Variants in MAF observed in about 807,000 individuals in gnomAD.
The protein encoded by MAF is MAF bZIP transcription factor, also known as transcription factor Maf.
A neutral mutation model predicts 22.0 loss-of-function variants in MAF; 10 were observed. That is an observed-to-expected ratio of 0.45 (90% CI 0.28 to 0.77). MAF has a LOEUF of 0.77. Ranked by LOEUF, MAF falls within the 30% of genes least tolerant of loss-of-function variation. The pLI is 0.12. For missense variants in MAF, 544 were observed against 548.4 expected, an observed-to-expected ratio of 0.99 and a Z score of 0.08; for synonymous variants, 337 against 255.8, an observed-to-expected ratio of 1.32 and a Z score of -3.03.
chr16:79,560,062 G>T, the MAF span, among the ~76,000 whole-genome samples: 2 of 152,102 alleles, frequency 1.3e-5, no homozygotes, highest in South Asian at 2.1e-4. Flanking sequence ...GGGCCACCAT[G>T]TGTGGCTGAT....
chr16:79,574,080 A>C, the MAF span, among the ~76,000 whole-genome samples: 1 of 152,226 alleles, frequency 6.6e-6, no homozygotes, highest in Non-Finnish European at 1.5e-5. Context: ...TGAGGCGTGA[A>C]CTTCACGCTC....
chr16:79,254,245 C>A, the MAF span, among the ~76,000 whole-genome samples: 2 of 152,066 alleles, frequency 1.3e-5, no homozygotes, highest in Non-Finnish European at 2.9e-5. Flanking sequence ...TTAGATCATT[C>A]TCTCCCTGCC....
the MAF span, among the ~76,000 whole-genome samples, chr16:79,246,206 T>C: frequency 6.6e-6 from 1 of 151,788 alleles, no homozygotes; most frequent in African/African-American, 2.4e-5. Context: ...TAAAGTATAA[T>C]AAAAGAAAAT....
the MAF span, among the ~76,000 whole-genome samples, chr16:79,508,535 C>T: frequency 6.6e-6 from 1 of 152,172 alleles, no homozygotes; most frequent in Non-Finnish European, 1.5e-5. Flanking sequence ...CTCTCCAGTG[C>T]GTTCTTGGCA....
At chr16:79,598,501 T>A in intron 1 of MAF, 2 of 1,336,248 alleles carry the variant, frequency 1.5e-6, no homozygotes, top group South Asian at 3.2e-5. Flanking sequence ...GAATTTCAGA[T>A]TGGCAATCCA....
chr16:79,550,521 G>A, the MAF span, among the ~76,000 whole-genome samples: 2 of 152,190 alleles, frequency 1.3e-5, no homozygotes, highest in African/African-American at 4.8e-5. Context: ...TGACCCATTG[G>A]GACAGATGCT....
exon 2 of MAF, chr16:79,585,853 AC>A: frequency 1.6e-6 from 1 of 627,922 alleles, no homozygotes; most frequent in Non-Finnish European, 2.8e-6. Flanking sequence ...AAACTCAAGC[AC>A]ATGCAAATCA....
At chr16:79,229,744 A>G in the MAF span, among the ~76,000 whole-genome samples, 1 of 151,954 alleles carries the variant, frequency 6.6e-6, no homozygotes, top group African/African-American at 2.4e-5. Context: ...CCTGCTGAAA[A>G]TACTTTGTAC....
the MAF span, among the ~76,000 whole-genome samples, chr16:79,441,412 G>A: frequency 6.6e-6 from 1 of 152,190 alleles, no homozygotes; most frequent in Non-Finnish European, 1.5e-5. Flanking sequence ...AATCTGTTTG[G>A]TTTTGCAGAC....
At chr16:79,319,155 T>A in the MAF span, among the ~76,000 whole-genome samples, 1 of 152,214 alleles carries the variant, frequency 6.6e-6, no homozygotes, top group African/African-American at 2.4e-5. Flanking sequence ...AACTCTGGGC[T>A]GTGCCAGGTG....
the MAF span, among the ~76,000 whole-genome samples, chr16:79,314,004 C>A: frequency 5.3e-5 from 8 of 152,184 alleles, no homozygotes. Flanking sequence ...TGGAATACAG[C>A]AGCTTTTGGT....
Position 79,596,492 on chromosome 16 carries a change from C to T in MAF, c.1119-1939G>A, listed in dbSNP as rs932187571. The T allele has an allele frequency of 2.7e-5, 28 of 1,049,690 alleles. No homozygotes were observed. In the African/African-American group the frequency reaches 3.7e-4, roughly 14 times the overall value. 65.0% of individuals were successfully genotyped at this position (1,049,690 alleles called of 1,614,324 possible). A position where few individuals can be genotyped will look rare whatever the true frequency, so the allele number is the denominator to read the frequency against. ...CTGAGTACAGAATCAAAAAAAAATG[C>T]CGTTTATTATTGTAGATTATTCTTT... On this transcript the variant is annotated intron_variant, in intron 1 of 1. Coordinates refer to ENST00000326043, the MANE Select transcript of MAF (RefSeq NM_005360.5).
At chr16:79,377,365 G>A in the MAF span, among the ~76,000 whole-genome samples, 2 of 152,174 alleles carry the variant, frequency 1.3e-5, no homozygotes, top group Non-Finnish European at 2.9e-5. Flanking sequence ...CCCACTTGTT[G>A]ATGGGGTTGT....
chr16:79,599,678 C>G lies in MAF; in HGVS notation c.225G>C (p.Ala75=). The change falls in exon 1 of 2, where the codon GCG becomes GCC. Residue 75 remains alanine (A), a synonymous_variant. Coordinates refer to ENST00000326043, the MANE Select transcript of MAF (RefSeq NM_005360.5). ...GCTCGCTGCCCGAGCCCGGGCTGGG[C>G]GCCGAGAAGCTGGGGGAAGGGGGCA... ...SSVPPSPSFS[A]PSPGSGSEQK... The G allele has an allele frequency of 1.9e-6, 3 of 1,611,866 alleles. No individual in the cohort carries two copies. The highest frequency in any genetic ancestry group is 2.5e-6 in the Non-Finnish European group (3 of 1,179,572).
the MAF span, among the ~76,000 whole-genome samples, chr16:79,534,025 G>A: frequency 6.6e-6 from 1 of 152,116 alleles, no homozygotes; most frequent in Non-Finnish European, 1.5e-5. Context: ...CATACTACAA[G>A]CTCATCTTAC....
chr16:79,460,231 G>C, the MAF span, among the ~76,000 whole-genome samples: 1 of 151,970 alleles, frequency 6.6e-6, no homozygotes, highest in Non-Finnish European at 1.5e-5. Flanking sequence ...TGACCGTATC[G>C]ATCTATTTCT....
At chr16:79,556,160 T>C in the MAF span, among the ~76,000 whole-genome samples, 1 of 152,312 alleles carries the variant, frequency 6.6e-6, no homozygotes, top group Middle Eastern at 3.4e-3. Context: ...AATCTGATTG[T>C]ATAAGATATT....
At chr16:79,212,355 C>T in the MAF span, 10 of 593,782 alleles carry the variant, frequency 1.7e-5, no homozygotes, top group Non-Finnish European at 2.8e-5. Flanking sequence ...ACAGTGACAC[C>T]CAGAGGGAGT....
the MAF span, among the ~76,000 whole-genome samples, chr16:79,299,771 T>A: frequency 2.6e-5 from 4 of 152,224 alleles, no homozygotes; most frequent in South Asian, 2.1e-4. Context: ...TGTGTTCCAA[T>A]CACATGGCCA....
Sources: allele counts gnomAD v4.1 joint callset (sites outside exome capture counted in the v4.1 genomes callset), GRCh38; gene constraint gnomAD v4.1.1; transcripts MANE v1.5; gene names NCBI Gene and HGNC (gene_info 2026-07-23, HGNC 2026-07-21).